TMEM237: variants seen among roughly 807,000 people sequenced by gnomAD.
TMEM237 encodes amyotrophic lateral sclerosis 2 (juvenile) chromosome region, candidate 4.
TMEM237 carries 51 observed loss-of-function variants against 59.1 expected under a neutral mutation model. That is an observed-to-expected ratio of 0.86 (90% CI 0.69 to 1.09). The LOEUF (loss-of-function observed/expected upper bound fraction) is 1.09, where lower values mean the gene tolerates loss of function less well. TMEM237 is among the 50% of genes least tolerant of loss of function. The pLI is 0.00. For synonymous variants in TMEM237, 140 were observed against 166.1 expected (o/e 0.84, Z 1.21); for missense variants, 475 against 478.3 (o/e 0.99, Z 0.06).
Position 201,629,333 on chromosome 2 carries a change from A to G in TMEM237, c.766T>C (p.Ser256Pro). Residue 256 changes from serine to proline, a missense_variant, in exon 9 of 13, where the codon TCC becomes CCC. By Grantham distance (74) the Ser-to-Pro change is moderately conservative. Transcript: ENST00000409883. ...VIYVLAGDQLSNLSNLLQQYK... is the reference protein window; with the variant it reads ...VIYVLAGDQLPNLSNLLQQYK... ...TGTTGCAGAAGGTTTGAGAGGTTGG[A>G]TAGCTGATCTCCTGCTAGAACATAT... The G allele has an allele frequency of 6.2e-7, 1 of 1,611,920 alleles. No individual in the cohort carries two copies. Among genetic ancestry groups the G allele is most frequent in the African/African-American group, 1.3e-5 (1 of 75,004 alleles).
At chr2:201,634,094 C>T (rs1320588647) in intron 5 of TMEM237, among the ~76,000 whole-genome samples, 9 of 152,202 alleles carry the variant, frequency 5.9e-5, no homozygotes, top group Non-Finnish European at 4.4e-5. Flanking sequence ...GGAAAGTTTT[C>T]TATCAGTGTA....
chr2:201,629,970 T>A, intron 7 of TMEM237, 118 bp from the exon 8 acceptor site: 3 of 1,308,876 alleles, frequency 2.3e-6, no homozygotes, highest in Admixed American at 2.7e-5. Flanking sequence ...TGCTGTTCTA[T>A]CTGAAAATTC....
At chr2:201,630,988 A>G (rs1957802081) in intron 7 of TMEM237, 1 of 152,206 alleles carries the variant, frequency 6.6e-6, no homozygotes, top group South Asian at 2.1e-4. Flanking sequence ...TAGGCAGCAT[A>G]TGCTTAACAT....
intron 5 of TMEM237, among the ~76,000 whole-genome samples, chr2:201,634,591 A>T (rs1237674098): frequency 6.6e-6 from 1 of 152,214 alleles, no homozygotes; most frequent in Non-Finnish European, 1.5e-5. Flanking sequence ...ATTGGTATCC[A>T]TCTTGATTTT....
Position 201,629,366 on chromosome 2 carries a change from C to A in TMEM237, c.733G>T (p.Val245Phe), listed in dbSNP as rs1179617366. The A allele has an allele frequency of 1.2e-6, 2 of 1,605,332 alleles. No homozygotes were observed. Among genetic ancestry groups the A allele is most frequent in the East Asian group, 2.2e-5 (1 of 44,768 alleles). The change falls in exon 9 of 13, where the codon GTT becomes TTT. Residue 245 changes from valine to phenylalanine, a missense_variant. Physicochemically the swap from Val to Phe is conservative, Grantham distance 50. Coordinates refer to ENST00000409883, the MANE Select transcript of TMEM237 (RefSeq NM_001044385.3). ...FLAGCAVWNI[V>F]VIYVLAGDQL... is the part of the protein sequence containing the mutation. ...TCTCCTGCTAGAACATATATCACAA[C>A]AATATTCCACACAGCACAGCCAGCC...
intron 9 of TMEM237, among the ~76,000 whole-genome samples, chr2:201,628,578 A>C (rs2105898647): frequency 6.6e-6 from 1 of 152,318 alleles, no homozygotes; most frequent in Admixed American, 6.5e-5. Flanking sequence ...TGCAGATGTA[A>C]TAAAGATAAG....
intron 4 of TMEM237, chr2:201,638,648 C>G (rs191912838): frequency 9.4e-4 from 217 of 231,706 alleles, no homozygotes; most frequent in African/African-American, 4.6e-3. Context: ...TTTCTAAATT[C>G]AGTATCTTGT....
intron 1 of TMEM237, among the ~76,000 whole-genome samples, chr2:201,641,126 G>A (rs1348134367): frequency 3.9e-5 from 6 of 151,996 alleles, no homozygotes; most frequent in Admixed American, 3.9e-4. Context: ...CAAGTAGCTG[G>A]GATTACAGGC....
At chr2:201,629,606 C>T in intron 8 of TMEM237, 123 bp downstream of exon 8, 1 of 1,383,366 alleles carries the variant, frequency 7.2e-7, no homozygotes, top group African/African-American at 1.5e-5. Context: ...AAAAAATATA[C>T]CTACCTACCA....
intron 11 of TMEM237, 24 bp downstream of exon 11, chr2:201,627,297 G>A (rs776188214): frequency 6.5e-7 from 1 of 1,532,418 alleles, no homozygotes; most frequent in Non-Finnish European, 9.0e-7. Flanking sequence ...ATTAACAATT[G>A]CTAATGTCAT....
chr2:201,641,155 C>G (rs1687407815), intron 1 of TMEM237, among the ~76,000 whole-genome samples: 1 of 152,086 alleles, frequency 6.6e-6, no homozygotes, highest in Non-Finnish European at 1.5e-5. Flanking sequence ...CCATGCCCGG[C>G]TAATTTTTGT....
intron 7 of TMEM237, 23 bp downstream of exon 7, chr2:201,632,028 T>G (rs755095597): frequency 1.2e-6 from 2 of 1,612,488 alleles, no homozygotes; most frequent in Non-Finnish European, 1.7e-6. Context: ...GAGTTCATAT[T>G]CTAAAACAAG....
At chr2:201,633,184 T>C in intron 6 of TMEM237, 127 bp downstream of exon 6, 1 of 897,434 alleles carries the variant, frequency 1.1e-6, no homozygotes, top group Non-Finnish European at 1.5e-6. Context: ...TTTGTAATAA[T>C]ACTTATCCTA....
In TMEM237 at chr2:201,643,225, G is replaced by A. The variant is rs1474190106; in HGVS notation, c.42+134C>T. 3.2e-5 allele frequency: 32 copies of A among 1,003,770 alleles called. No individual in the cohort carries two copies. The East Asian group carries it at 9.9e-4, about 31-fold the overall frequency. 62.2% of individuals were successfully genotyped at this position (1,003,770 alleles called of 1,614,324 possible). ...CTGTGAACACTGGAGGGGCGGATGC[G>A]CGCACCCCACGAGCAAGGCCCTCCC... On this transcript the variant is annotated intron_variant, in intron 1 of 12. Transcript: ENST00000409883. This position sits in a 1 kb window ranked among gnomAD's most constrained non-coding sequence, Gnocchi z 4.3.
rs1442187349 is a variant in TMEM237 at position 201,623,529 on chromosome 2, C to T, written c.*726G>A. ...GGAGCCCACAAGCTCACAGGTCTCT[C>T]CTTTATTCCCCTGAGCCTTGCCCTG... On this transcript the variant is annotated 3_prime_UTR_variant, in exon 13 of 13. Coordinates refer to ENST00000409883, the MANE Select transcript of TMEM237 (RefSeq NM_001044385.3). The T allele has an allele frequency of 6.5e-6, 1 of 154,720 alleles. No individual in the cohort carries two copies. The highest frequency in any genetic ancestry group is 1.4e-5 in the Non-Finnish European group (1 of 69,500). 9.6% of individuals were successfully genotyped at this position (154,720 alleles called of 1,614,324 possible).
Position 201,623,082 on chromosome 2 carries a change from C to G in TMEM237, c.*1173G>C. 5.7e-6 allele frequency: 1 copy of G among 174,594 alleles called. No individual in the cohort carries two copies. Among genetic ancestry groups the G allele is most frequent in the Non-Finnish European group, 1.3e-5 (1 of 78,230 alleles). 10.8% of individuals were successfully genotyped at this position (174,594 alleles called of 1,614,324 possible). A position where few individuals can be genotyped will look rare whatever the true frequency, so the allele number is the denominator to read the frequency against. ...TCCCTTTTCGGCAGCTCCAGCCTTA[C>G]AAACAGCAAAAGAGATTCCCAGTAT... is the stretch of plus-strand genomic sequence containing the variant. On this transcript the variant is annotated 3_prime_UTR_variant, in exon 13 of 13. Transcript: ENST00000409883.
chr2:201,631,830 T>C (rs1454367799), intron 7 of TMEM237, among the ~76,000 whole-genome samples: 1 of 152,222 alleles, frequency 6.6e-6, no homozygotes, highest in Admixed American at 6.5e-5. Context: ...AACATTATTA[T>C]ATAGATACAC....
At position 201,636,772 on chromosome 2, in the gene TMEM237, G is replaced by A; in HGVS notation, c.250C>T (p.Gln84Ter). ...CCAAGAGGTAGCCTTGTCTTTTTCT[G>A]TCTTCTTTGAACAGGAGCCTCTGGG... is the stretch of plus-strand genomic sequence containing the variant. ...EHPEAPVQRR[Q>*]KKTRLPLELE... The change falls in exon 5 of 13, where the codon CAG becomes TAG. Residue 84 changes from glutamine (Q) to a stop codon, truncating the protein, a stop_gained. Transcript: ENST00000409883. LOFTEE classifies it high-confidence loss of function. The A allele has an allele frequency of 1.3e-6, 2 of 1,580,040 alleles. No homozygotes were observed. The highest frequency in any genetic ancestry group is 1.7e-6 in the Non-Finnish European group (2 of 1,161,954).
At chr2:201,633,554 C>A in intron 5 of TMEM237, 123 bp from the exon 6 acceptor site, 1 of 718,390 alleles carries the variant, frequency 1.4e-6, no homozygotes, top group Non-Finnish European at 2.0e-6. Flanking sequence ...TTTTCACTAT[C>A]TTACAAATTT....
Sources: allele counts gnomAD v4.1 joint callset (sites outside exome capture counted in the v4.1 genomes callset), GRCh38; gene constraint gnomAD v4.1.1; non-coding constraint Gnocchi (gnomAD v3.1); transcripts MANE v1.5; gene names NCBI Gene and HGNC (gene_info 2026-07-23, HGNC 2026-07-21).